ZNF506: variants seen among roughly 807,000 people sequenced by gnomAD.
ZNF506 encodes the protein zinc finger protein 506.
A neutral mutation model predicts 11.6 loss-of-function variants in ZNF506; 10 were observed. That is an observed-to-expected ratio of 0.86 (90% CI 0.53 to 1.46). The LOEUF (loss-of-function observed/expected upper bound fraction) is 1.46. Among genes scored for constraint, ZNF506 ranks in the 40% most tolerant of loss-of-function variants. The pLI is 0.00. For synonymous variants in ZNF506, 156 were observed against 173.3 expected (o/e 0.90, Z 0.78); for missense variants, 425 against 521.2 (o/e 0.82, Z 1.80).
At chr19:19,801,212 C>T (rs577057100) in intron 3 of ZNF506, among the ~76,000 whole-genome samples, 15 of 151,736 alleles carry the variant, frequency 9.9e-5, no homozygotes, top group South Asian at 2.1e-4. Flanking sequence ...AAAACCTGGC[C>T]GGGTGCCGTG....
At chr19:19,808,108 C>CT (rs757160026) in intron 1 of ZNF506, among the ~76,000 whole-genome samples, 6,565 of 56,324 alleles carry the variant, frequency 0.12, 2,201 homozygotes, top group Non-Finnish European at 0.16. Flanking sequence ...TCATTAACCA[C>CT]TTTTTTTTTT....
intron 1 of ZNF506, among the ~76,000 whole-genome samples, chr19:19,813,692 C>A (rs2062902683): frequency 6.6e-6 from 1 of 152,206 alleles, no homozygotes; most frequent in South Asian, 2.1e-4. Context: ...ATGGTATGGT[C>A]AGATGCAGTG....
At chr19:19,805,933 A>G in intron 3 of ZNF506, 98 bp downstream of exon 3, 1 of 1,070,706 alleles carries the variant, frequency 9.3e-7, no homozygotes, top group South Asian at 1.5e-5. Context: ...TTCCTTGGGA[A>G]CACAGCTTCC....
rs2062721279 is a variant in ZNF506, at chr19:19,794,542, C to A, written c.*10G>T. The stretch of plus-strand genomic sequence containing the variant: ...TTCATCACATTCATACGGTTTCTCT[C>A]CAGTATGAATTATCTTATGCTTATT... On this transcript the variant is annotated 3_prime_UTR_variant, in exon 4 of 4. Transcript: ENST00000540806. 2 of 1,575,092 alleles carry A rather than the reference C, an allele frequency of 1.3e-6. No homozygotes were observed. Among genetic ancestry groups the A allele is most frequent in the Non-Finnish European group, 1.7e-6 (2 of 1,163,956 alleles).
rs1000440968 is a variant in ZNF506, at chr19:19,792,851, G to C, written c.*1701C>G. Among the ~76,000 whole-genome samples the C allele has an allele frequency of 6.6e-6, 1 of 151,932 alleles. No individual in the cohort carries two copies. The highest frequency in any genetic ancestry group is 2.1e-4 in the South Asian group (1 of 4,828). ...AACATCAACATTAAGTCATAGGCTA[G>C]GATTATACAAATGAGAACCCCCACC... On this transcript the variant is annotated 3_prime_UTR_variant, in exon 4 of 4. Coordinates refer to ENST00000540806, the MANE Select transcript of ZNF506 (RefSeq NM_001099269.3).
At chr19:19,798,670 A>AAAAAAAG (rs1568473547) in intron 3 of ZNF506, 2 of 150,174 alleles carry the variant, frequency 1.3e-5, no homozygotes, top group Non-Finnish European at 1.5e-5. Flanking sequence ...AAAAAAAAAA[A>AAAAAAAG]AAAAAAGAAA....
rs748581805 is a variant in ZNF506, at chr19:19,794,857, CA to C, written c.1029del (p.Cys343TrpfsTer42). On this transcript the variant is annotated frameshift_variant, in exon 4 of 4. Transcript: ENST00000540806. LOFTEE classifies it low-confidence loss of function (END_TRUNC). ...RIHTGDVPYKCDECGKTFTWY... is the reference protein window; with the variant it reads ...RIHTGDVPYKXDECGKTFTWY... Reference sequence around the variant, plus strand: ...CAGGTAAAGGTTTTGCCACATTCGTCACATTTGTAGGGTACATCTCCAGTAT... The same window carrying C: ...CAGGTAAAGGTTTTGCCACATTCGTCCATTTGTAGGGTACATCTCCAGTAT... 8 of 1,613,540 alleles carry C rather than the reference CA, an allele frequency of 5.0e-6. No individual in the cohort carries two copies. In the Admixed American group the frequency reaches 1.3e-4, roughly 27 times the overall value.
intron 1 of ZNF506, among the ~76,000 whole-genome samples, chr19:19,818,043 G>A (rs556559797): frequency 2.6e-5 from 4 of 151,178 alleles, no homozygotes; most frequent in African/African-American, 9.7e-5. Context: ...GAGCAGGCTG[G>A]TCTTGAACTC....
At chr19:19,819,916 G>T (rs1568482445) in intron 1 of ZNF506, among the ~76,000 whole-genome samples, 1 of 152,108 alleles carries the variant, frequency 6.6e-6, no homozygotes, top group African/African-American at 2.4e-5. Flanking sequence ...GGCAAACAAG[G>T]TGAAACCCTG....
At position 19,794,590 on chromosome 19, in the gene ZNF506, G is replaced by T. The variant is rs1245939022; in HGVS notation, c.1297C>A (p.Leu433Ile). The T allele has an allele frequency of 6.2e-7, 1 of 1,604,418 alleles. No individual in the cohort carries two copies. The highest frequency in any genetic ancestry group is 1.7e-5 in the Admixed American group (1 of 57,748). Residue 433 changes from leucine (L) to isoleucine (I), a missense_variant, in exon 4 of 4, where the codon CTT (leucine) becomes ATT (isoleucine). Coordinates refer to ENST00000540806, the MANE Select transcript of ZNF506 (RefSeq NM_001099269.3). ...KPCIVKNVEN[L>I]LNVPQPLISI... ...ATTAAGGGTTGAGGAACATTTAAAAGATTTTCCACATTCTTCACTATGCAG... is the reference window on the plus strand; with the variant it reads ...ATTAAGGGTTGAGGAACATTTAAAATATTTTCCACATTCTTCACTATGCAG...
chr19:19,817,435 T>A (rs201646291), intron 1 of ZNF506, among the ~76,000 whole-genome samples: 74,542 of 142,514 alleles, frequency 0.52, 18,733 homozygotes, highest in East Asian at 0.79. Flanking sequence ...GTAAATCTGA[T>A]TTTTTTTTTT....
intron 3 of ZNF506, 146 bp downstream of exon 3, chr19:19,805,880 GAAAAA>G: frequency 1.5e-6 from 1 of 655,586 alleles, no homozygotes; most frequent in East Asian, 3.1e-5. Context: ...AAAATTAAAA[GAAAAA>G]AGAAAAGAAA....
chr19:19,810,180 C>G (rs1158160599), intron 1 of ZNF506, among the ~76,000 whole-genome samples: 1 of 152,196 alleles, frequency 6.6e-6, no homozygotes, highest in Non-Finnish European at 1.5e-5. Context: ...CCCCTTAGCT[C>G]ATTATTAGCA....
rs529880512 is a variant in ZNF506 at position 19,795,978 on chromosome 19, T to C, written c.227-318A>G. Reference sequence around the variant, plus strand: ...GCTCTTCCTGCTCTCCAGTATAACATTGTGCCTTTAAAAGTAAATTGCGGG... The same window carrying C: ...GCTCTTCCTGCTCTCCAGTATAACACTGTGCCTTTAAAAGTAAATTGCGGG... On this transcript the variant is annotated intron_variant, in intron 3 of 3. Coordinates refer to ENST00000540806, the MANE Select transcript of ZNF506 (RefSeq NM_001099269.3). 83 of 309,992 alleles carry C rather than the reference T, an allele frequency of 2.7e-4. 2 individuals are homozygous for C. In the South Asian group the frequency reaches 2.8e-3, roughly 10 times the overall value. 19.2% of individuals were successfully genotyped at this position (309,992 alleles called of 1,614,324 possible).
Position 19,806,994 on chromosome 19 carries a change from C to T in ZNF506, c.78G>A (p.Arg26=). ...CTAACATCACATCCCTATATAGATT[C>T]CGCTGTGCAGCGTCCAGGCAATGCC... ...EEWHCLDAAQ[R]NLYRDVMLEN... The change falls in exon 2 of 4, where the codon CGG becomes CGA. Residue 26 remains arginine, a synonymous_variant. Transcript: ENST00000540806. 6.2e-7 allele frequency: 1 copy of T among 1,613,964 alleles called. No homozygotes were observed.
intron 1 of ZNF506, among the ~76,000 whole-genome samples, chr19:19,815,335 G>A (rs1416266199): frequency 6.6e-6 from 1 of 152,156 alleles, no homozygotes; most frequent in African/African-American, 2.4e-5. Context: ...AGTCCCGGGA[G>A]GAGTGTGGAC....
chr19:19,793,397 G>GA lies in ZNF506; in HGVS notation c.*1154dup, dbSNP rs894560635. Among the ~76,000 whole-genome samples the GA allele has an allele frequency of 3.3e-5, 5 of 149,490 alleles. No homozygotes were observed. The highest frequency in any genetic ancestry group is 7.4e-5 in the African/African-American group (3 of 40,656). On this transcript the variant is annotated 3_prime_UTR_variant, in exon 4 of 4. Coordinates refer to ENST00000540806, the MANE Select transcript of ZNF506 (RefSeq NM_001099269.3). ...TGATGTTTTCTAAGCTATAGATTTTGAAAAAAAAAGTCTTTCCAAATTCAT... is the reference window on the plus strand; with the variant it reads ...TGATGTTTTCTAAGCTATAGATTTTGAAAAAAAAAAGTCTTTCCAAATTCAT...
chr19:19,802,964 T>G (rs2062807148), intron 3 of ZNF506, among the ~76,000 whole-genome samples: 1 of 152,172 alleles, frequency 6.6e-6, no homozygotes, highest in African/African-American at 2.4e-5. Context: ...CAGGCCAGGA[T>G]TTTGAGACCA....
chr19:19,816,137 C>T (rs917934134), intron 1 of ZNF506, among the ~76,000 whole-genome samples: 1 of 151,970 alleles, frequency 6.6e-6, no homozygotes, highest in Admixed American at 6.6e-5. Flanking sequence ...AAAAAAAAAT[C>T]AGCTGAATTT....
Sources: gnomAD v4.1 joint callset for allele counts (sites outside exome capture counted in the v4.1 genomes callset) on GRCh38, gnomAD v4.1.1 for gene constraint, MANE v1.5 for transcripts, NCBI Gene and HGNC (gene_info 2026-07-23, HGNC 2026-07-21) for gene names.